The following VPS13A variants were observed in gnomAD, a reference collection of about 807,000 sequenced individuals.
VPS13A encodes vacuolar protein sorting 13 homolog A, also known as intermembrane lipid transfer protein VPS13A.
In VPS13A, 264 loss-of-function variants were observed where a neutral mutation model predicts 390.9. That is an observed-to-expected ratio of 0.68 (90% confidence interval 0.61 to 0.75). The LOEUF (loss-of-function observed/expected upper bound fraction) is 0.75. VPS13A is among the 30% of genes least tolerant of loss of function. VPS13A has a pLI of 0.00. For missense variants in VPS13A, 3,409 were observed against 3,733.9 expected (o/e 0.91, Z 2.27); for synonymous variants, 1,231 against 1,227.1 (o/e 1.00, Z -0.07).
chr9:77,375,440 A>C lies in VPS13A; in HGVS notation c.9077+4291A>C, dbSNP rs148573594. Among the ~76,000 whole-genome samples the C allele has an allele frequency of 5.7e-3, 872 of 152,302 alleles. 11 individuals carry two copies. The highest frequency in any genetic ancestry group is 0.02 in the African/African-American group (841 of 41,582). The stretch of plus-strand genomic sequence containing the variant: ...TTTGGGGAGAGAATGATTGGCATTA[A>C]ATATTGTCCTATTTGTAAAGAGGAT... On this transcript the variant is annotated intron_variant, in intron 67 of 71. Coordinates refer to ENST00000360280, the MANE Select transcript of VPS13A (RefSeq NM_033305.3).
At chr9:77,243,069 C>CATAT (rs1399618950) in intron 19 of VPS13A, among the ~76,000 whole-genome samples, 2 of 151,976 alleles carry the variant, frequency 1.3e-5, no homozygotes, top group Non-Finnish European at 2.9e-5. Context: ...TGAAGAGACT[C>CATAT]ATATATATTA....
At position 77,418,818 on chromosome 9, in the gene VPS13A, A is replaced by G. The variant is rs140435492; in HGVS notation, c.*2812A>G. 1 of 152,310 alleles carries G rather than the reference A, an allele frequency of 6.6e-6. No individual in the cohort carries two copies. The highest frequency in any genetic ancestry group is 2.4e-5 in the African/African-American group (1 of 41,594). 9.4% of individuals were successfully genotyped at this position (152,310 alleles called of 1,614,324 possible). ...TAGCGGTAATATTGTTCCATTGAATATCTATGCACCTAGCTCATCTCTTAG... is the reference window on the plus strand; with the variant it reads ...TAGCGGTAATATTGTTCCATTGAATGTCTATGCACCTAGCTCATCTCTTAG... On this transcript the variant is annotated 3_prime_UTR_variant, in exon 72 of 72. Coordinates refer to ENST00000360280, the MANE Select transcript of VPS13A (RefSeq NM_033305.3).
At chr9:77,207,225 A>ATG (rs2076470361) in intron 5 of VPS13A, among the ~76,000 whole-genome samples, 4 of 88,444 alleles carry the variant, frequency 4.5e-5, no homozygotes, top group South Asian at 3.9e-4. Context: ...ATATATATAT[A>ATG]TATATATATA....
At chr9:77,198,520 C>G (rs1825133341) in intron 1 of VPS13A, among the ~76,000 whole-genome samples, 1 of 151,996 alleles carries the variant, frequency 6.6e-6, no homozygotes, top group Admixed American at 6.5e-5. Flanking sequence ...TTAGTGATGC[C>G]CAGGTATCTT....
At chr9:77,270,405 G>A (rs1826277975) in intron 23 of VPS13A, among the ~76,000 whole-genome samples, 1 of 152,158 alleles carries the variant, frequency 6.6e-6, no homozygotes, top group African/African-American at 2.4e-5. Context: ...TGGATATTTA[G>A]CTGTGGAGAT....
chr9:77,269,335 T>G (rs2131315992), intron 23 of VPS13A, among the ~76,000 whole-genome samples: 1 of 152,348 alleles, frequency 6.6e-6, no homozygotes, highest in East Asian at 1.9e-4. Flanking sequence ...TCTTTTACTA[T>G]TGAGTTGACT....
At position 77,214,329 on chromosome 9, in the gene VPS13A, G is replaced by C. The variant is rs1178210393; in HGVS notation, c.697G>C (p.Asp233His). 5 of 1,612,566 alleles carry C rather than the reference G, an allele frequency of 3.1e-6. No homozygotes were observed. In the Admixed American group the frequency reaches 6.7e-5, roughly 22 times the overall value. ...FYLSDYDNSL[D>H]DLKNGIVNEN... is the part of the protein sequence containing the mutation. ...ATAAAAGCAATTTGTCTTTTAATAG[G>C]ACGACTTGAAGAATGGCATTGTCAA... Residue 233 changes from aspartate (D) to histidine (H), a missense_variant and splice_region_variant, in exon 10 of 72, where the codon GAC (aspartate) becomes CAC (histidine). By Grantham distance (81) the Asp-to-His change is moderately conservative. Transcript: ENST00000360280.
chr9:77,272,245 A>T (rs922648071), intron 23 of VPS13A, among the ~76,000 whole-genome samples: 5 of 152,188 alleles, frequency 3.3e-5, no homozygotes, highest in African/African-American at 1.2e-4. Context: ...CATTGTGAGG[A>T]TATGGAGAGA....
intron 5 of VPS13A, 49 bp from the exon 6 acceptor site, chr9:77,209,374 A>G (rs1825846866): frequency 3.9e-6 from 5 of 1,281,600 alleles, no homozygotes; most frequent in Non-Finnish European, 4.5e-6. Context: ...GGATATTTAT[A>G]GAGTATATTT....
intron 36 of VPS13A, 111 bp downstream of exon 36, chr9:77,314,230 C>A (rs987581698): frequency 8.2e-7 from 1 of 1,220,994 alleles, no homozygotes; most frequent in Non-Finnish European, 1.1e-6. Context: ...GTATCTGTCC[C>A]TCTGAGAAAA....
rs1485186943 is a variant in VPS13A at position 77,337,524 on chromosome 9, CTTATTATA to C, written c.6367_6374del (p.Tyr2123ArgfsTer4). ...CGAAATCTTCTTCCTTACAAAATTG[CTTATTATA>C]TAGAGGTATCGGCAAACTGATTTAG... On this transcript the variant is annotated frameshift_variant, in exon 47 of 72. Transcript: ENST00000360280. LOFTEE classifies it high-confidence loss of function. 6.2e-7 allele frequency: 1 copy of C among 1,612,474 alleles called. No homozygotes were observed. Among genetic ancestry groups the C allele is most frequent in the African/African-American group, 1.3e-5 (1 of 74,846 alleles).
Position 77,382,094 on chromosome 9 carries a change from T to G in VPS13A, c.9189+7T>G. On this transcript the variant is annotated splice_region_variant and intron_variant, in intron 68 of 71. Transcript: ENST00000360280. ...TGGAAATCAAATGTTACAGGTAAAT[T>G]AAGAGCTATCTTATAAATTAAGATT... The G allele has an allele frequency of 2.5e-6, 4 of 1,594,426 alleles. No homozygotes were observed. The highest frequency in any genetic ancestry group is 3.4e-6 in the Non-Finnish European group (4 of 1,165,522).
chr9:77,267,846 C>G (rs1294497258), intron 23 of VPS13A, among the ~76,000 whole-genome samples: 2 of 152,226 alleles, frequency 1.3e-5, no homozygotes, highest in African/African-American at 2.4e-5. Context: ...TGCTACCTTT[C>G]TTTCAGAGAT....
intron 33 of VPS13A, 74 bp downstream of exon 33, chr9:77,295,920 T>A: frequency 7.0e-7 from 1 of 1,423,342 alleles, no homozygotes; most frequent in African/African-American, 1.4e-5. Flanking sequence ...ATGTCTTGAG[T>A]AGTCTGTTTA....
chr9:77,265,442 G>A (rs1825983136), intron 23 of VPS13A, among the ~76,000 whole-genome samples: 1 of 152,044 alleles, frequency 6.6e-6, no homozygotes, highest in African/African-American at 2.4e-5. Context: ...TTTTTTGGTT[G>A]ATAGGCTATT....
At chr9:77,415,615 G>C (rs1835140880) in intron 71 of VPS13A, among the ~76,000 whole-genome samples, 1 of 152,152 alleles carries the variant, frequency 6.6e-6, no homozygotes, top group African/African-American at 2.4e-5. Flanking sequence ...TCCATTAGTA[G>C]AATCCTGTAT....
intron 35 of VPS13A, among the ~76,000 whole-genome samples, chr9:77,310,022 T>G (rs1222544372): frequency 6.6e-6 from 1 of 152,186 alleles, no homozygotes; most frequent in Non-Finnish European, 1.5e-5. Context: ...TTCAGAATTC[T>G]AAGGAAAGTG....
intron 68 of VPS13A, chr9:77,390,174 A>G (rs533013483): frequency 5.4e-6 from 5 of 921,650 alleles, no homozygotes; most frequent in Non-Finnish European, 6.5e-6. Flanking sequence ...GACAAAGGCT[A>G]TTGGACTTCA....
At chr9:77,382,203 ACTTATAAGTTT>A (rs1326650959) in intron 68 of VPS13A, 116 bp downstream of exon 68, 2 of 1,357,214 alleles carry the variant, frequency 1.5e-6, no homozygotes, top group Non-Finnish European at 2.0e-6. Flanking sequence ...GCTTAATTCC[ACTTATAAGTTT>A]CTTATATTTA....
Sources: gnomAD v4.1 joint callset for allele counts (sites outside exome capture counted in the v4.1 genomes callset) on GRCh38, gnomAD v4.1.1 for gene constraint, MANE v1.5 for transcripts, NCBI Gene and HGNC (gene_info 2026-07-23, HGNC 2026-07-21) for gene names.